The following CIMIP3 variants were observed in gnomAD, a reference collection of about 807,000 sequenced individuals.
CIMIP3 encodes the protein ciliary microtubule inner protein 3.
At chr6:42,161,113 A>C in the CIMIP3 span, among the ~76,000 whole-genome samples, 15 of 152,280 alleles carry the variant, frequency 9.9e-5, no homozygotes, top group African/African-American at 3.4e-4. Flanking sequence ...GCTTGAACCC[A>C]GGAGGTGGGG....
At chr6:42,158,229 G>C in the CIMIP3 span, among the ~76,000 whole-genome samples, 2 of 152,260 alleles carry the variant, frequency 1.3e-5, no homozygotes, top group Non-Finnish European at 2.9e-5. Context: ...CCCTCAGCCA[G>C]AGCTGGCTCT....
the CIMIP3 span, chr6:42,162,905 T>C: frequency 1.6e-6 from 1 of 615,032 alleles, no homozygotes; most frequent in Non-Finnish European, 3.0e-6. Flanking sequence ...TCTCCCCTTC[T>C]TTCCCCCCTC....
At chr6:42,161,680 G>C in the CIMIP3 span, among the ~76,000 whole-genome samples, 1 of 152,088 alleles carries the variant, frequency 6.6e-6, no homozygotes, top group African/African-American at 2.4e-5. Flanking sequence ...GGTAGGTATG[G>C]GTGAGTAGGA....
chr6:42,159,863 A>G, the CIMIP3 span, among the ~76,000 whole-genome samples: 2 of 152,222 alleles, frequency 1.3e-5, no homozygotes, highest in Non-Finnish European at 2.9e-5. Flanking sequence ...TGACCTCTTC[A>G]GTTTTTGTCA....
the CIMIP3 span, chr6:42,155,500 C>T: frequency 1.4e-6 from 1 of 715,516 alleles, no homozygotes; most frequent in South Asian, 1.5e-5. Context: ...GATGAAATCA[C>T]AGGGCTGGGG....
the CIMIP3 span, among the ~76,000 whole-genome samples, chr6:42,159,125 A>G: frequency 6.6e-6 from 1 of 152,232 alleles, no homozygotes; most frequent in Non-Finnish European, 1.5e-5. Flanking sequence ...AGAGATTGCC[A>G]TGGGTCCTAT....
the CIMIP3 span, chr6:42,163,275 C>A: frequency 2.2e-5 from 12 of 540,596 alleles, no homozygotes; most frequent in Non-Finnish European, 3.7e-5. Flanking sequence ...AAGCCCCCGA[C>A]CCTTCACCCT....
the CIMIP3 span, chr6:42,163,356 A>C: frequency 3.5e-5 from 15 of 427,454 alleles, no homozygotes; most frequent in Non-Finnish European, 5.9e-5. Flanking sequence ...TATTCGGGCT[A>C]AGACAGCTGT....
chr6:42,163,115 C>A, the CIMIP3 span: 1 of 710,484 alleles, frequency 1.4e-6, no homozygotes, highest in Non-Finnish European at 2.6e-6. Context: ...CTACACCTCC[C>A]AGTACTCCAA....
At chr6:42,155,619 T>C in the CIMIP3 span, 7 of 717,264 alleles carry the variant, frequency 9.8e-6, no homozygotes, top group Admixed American at 4.0e-5. Flanking sequence ...AAAGGCTTAG[T>C]TGGGTGCTGG....
the CIMIP3 span, among the ~76,000 whole-genome samples, chr6:42,160,194 G>A: frequency 6.6e-6 from 1 of 151,566 alleles, no homozygotes; most frequent in East Asian, 1.9e-4. Context: ...TCCCCATGTT[G>A]CCCAGGCTGG....
At chr6:42,162,827 C>A in the CIMIP3 span, 1 of 569,404 alleles carries the variant, frequency 1.8e-6, no homozygotes. Flanking sequence ...GGCTTCTGAG[C>A]AGTGGCTCTT....
At chr6:42,156,608 T>C in the CIMIP3 span, among the ~76,000 whole-genome samples, 2 of 152,224 alleles carry the variant, frequency 1.3e-5, no homozygotes, top group Admixed American at 6.5e-5. Flanking sequence ...CAGACAGGTA[T>C]GTGTGTGAAA....
the CIMIP3 span, among the ~76,000 whole-genome samples, chr6:42,159,751 C>A: frequency 6.6e-6 from 1 of 152,184 alleles, no homozygotes; most frequent in Non-Finnish European, 1.5e-5. Context: ...GCTCACATAC[C>A]ACAGTGGGCA....
At chr6:42,162,986 C>T in the CIMIP3 span, 2 of 713,874 alleles carry the variant, frequency 2.8e-6, no homozygotes, top group Non-Finnish European at 2.6e-6. Flanking sequence ...GGTGAAGGCT[C>T]CACACTCGTC....
At chr6:42,162,605 C>G in the CIMIP3 span, among the ~76,000 whole-genome samples, 7 of 133,806 alleles carry the variant, frequency 5.2e-5, no homozygotes, top group Admixed American at 2.6e-4. Flanking sequence ...GCCAAGGACA[C>G]GGACAGACGA....
At chr6:42,161,691 G>A in the CIMIP3 span, among the ~76,000 whole-genome samples, 38 of 152,244 alleles carry the variant, frequency 2.5e-4, no homozygotes, top group Admixed American at 9.2e-4. Context: ...GTGAGTAGGA[G>A]ACACATTTGG....
the CIMIP3 span, among the ~76,000 whole-genome samples, chr6:42,162,202 T>C: frequency 7.1e-6 from 1 of 141,578 alleles, no homozygotes; most frequent in Non-Finnish European, 1.5e-5. Flanking sequence ...TCACCTGAGG[T>C]CAGGAGTTTG....
chr6:42,162,907 TC>T, the CIMIP3 span: 7 of 613,014 alleles, frequency 1.1e-5, no homozygotes, highest in Admixed American at 5.4e-5. Flanking sequence ...TCCCCTTCTT[TC>T]CCCCCTCCCA....
Sources: gnomAD v4.1 joint callset for allele counts (sites outside exome capture counted in the v4.1 genomes callset) on GRCh38, gnomAD v4.1.1 for gene constraint, MANE v1.5 for transcripts, NCBI Gene and HGNC (gene_info 2026-07-23, HGNC 2026-07-21) for gene names.